PSEN1: variants seen among roughly 807,000 people sequenced by gnomAD.
PSEN1 encodes presenilin 1, also known as presenilin-1.
Under a neutral mutation model 53.5 loss-of-function variants are expected in PSEN1, and 15 were observed. The ratio of observed to expected loss-of-function variants is 0.28; its 90% CI spans 0.19 to 0.43. PSEN1 has a LOEUF of 0.43. Among genes scored for constraint, PSEN1 ranks in the 20% least tolerant of loss-of-function variants. PSEN1 has a pLI of 1.00. For missense variants in PSEN1, 387 were observed against 571.2 expected, an observed-to-expected ratio of 0.68 and a Z score of 3.29; for synonymous variants, 208 against 209.8, an observed-to-expected ratio of 0.99 and a Z score of 0.08.
At chr14:73,155,323 G>A (rs987974300) in intron 3 of PSEN1, among the ~76,000 whole-genome samples, 8 of 152,032 alleles carry the variant, frequency 5.3e-5, no homozygotes, top group African/African-American at 1.9e-4. Flanking sequence ...TTCTTTATCT[G>A]TTAAATGAAG....
In PSEN1 at chr14:73,219,604, C is replaced by T. The variant is rs571524399; in HGVS notation, c.*315C>T. On this transcript the variant is annotated 3_prime_UTR_variant, in exon 12 of 12. Coordinates refer to ENST00000324501, the MANE Select transcript of PSEN1 (RefSeq NM_000021.4). Reference sequence around the variant, plus strand: ...GCTGTGCCCCATCAGCAGCTTGACGCGTGGTCACAGGACGATTTCACTGAC... The same window carrying T: ...GCTGTGCCCCATCAGCAGCTTGACGTGTGGTCACAGGACGATTTCACTGAC... 2.6e-5 allele frequency: 10 copies of T among 386,376 alleles called. No individual in the cohort carries two copies. The highest frequency in any genetic ancestry group is 1.5e-4 in the Admixed American group (4 of 26,042). 23.9% of individuals were successfully genotyped at this position (386,376 alleles called of 1,614,324 possible). A position where few individuals can be genotyped will look rare whatever the true frequency, so the allele number is the denominator to read the frequency against.
intron 8 of PSEN1, among the ~76,000 whole-genome samples, chr14:73,201,157 C>T (rs879345947): frequency 1.1e-4 from 17 of 152,082 alleles, no homozygotes; most frequent in Admixed American, 2.6e-4. Context: ...GGGGCGATCT[C>T]GGCTCACTGC....
At chr14:73,205,684 A>T (rs1899427047) in intron 8 of PSEN1, among the ~76,000 whole-genome samples, 1 of 152,160 alleles carries the variant, frequency 6.6e-6, no homozygotes, top group Admixed American at 6.5e-5. Context: ...AGATGTTACC[A>T]AATTTCCCTC....
At chr14:73,217,767 C>A (rs1335862145) in intron 11 of PSEN1, among the ~76,000 whole-genome samples, 1 of 151,260 alleles carries the variant, frequency 6.6e-6, no homozygotes, top group East Asian at 1.9e-4. Flanking sequence ...AGTGCTACAG[C>A]ATGAACCCTG....
chr14:73,179,744 T>C (rs1219374339), intron 5 of PSEN1, among the ~76,000 whole-genome samples: 1 of 152,210 alleles, frequency 6.6e-6, no homozygotes. Context: ...ACTCATGTTG[T>C]AATGAGCACA....
intron 7 of PSEN1, among the ~76,000 whole-genome samples, chr14:73,194,790 G>A (rs1020716214): frequency 5.3e-5 from 8 of 150,776 alleles, no homozygotes; most frequent in Non-Finnish European, 1.2e-4. Context: ...GGATGATCTC[G>A]ATCTCCTGAC....
At chr14:73,144,806 T>G (rs1435992277) in intron 1 of PSEN1, among the ~76,000 whole-genome samples, 1 of 152,266 alleles carries the variant, frequency 6.6e-6, no homozygotes. Flanking sequence ...TGTGTAAGAT[T>G]ATACTAATCT....
chr14:73,201,266 T>G (rs1899176246), intron 8 of PSEN1, among the ~76,000 whole-genome samples: 1 of 152,056 alleles, frequency 6.6e-6, no homozygotes, highest in African/African-American at 2.4e-5. Flanking sequence ...TTTTGTATTT[T>G]TAGTAGCAAC....
intron 8 of PSEN1, among the ~76,000 whole-genome samples, chr14:73,205,893 A>G (rs1270666713): frequency 6.6e-6 from 1 of 152,142 alleles, no homozygotes; most frequent in Non-Finnish European, 1.5e-5. Flanking sequence ...TATTATGTTT[A>G]TTGCTTTTAA....
At chr14:73,172,236 T>C (rs867082231) in intron 4 of PSEN1, among the ~76,000 whole-genome samples, 1 of 152,204 alleles carries the variant, frequency 6.6e-6, no homozygotes, top group South Asian at 2.1e-4. Context: ...TCTACGACTC[T>C]CATGGGGTCC....
rs1464912978 is a variant in PSEN1, at chr14:73,220,084, C to A, written c.*795C>A. On this transcript the variant is annotated 3_prime_UTR_variant, in exon 12 of 12. Coordinates refer to ENST00000324501, the MANE Select transcript of PSEN1 (RefSeq NM_000021.4). The stretch of plus-strand genomic sequence containing the variant: ...ACAGTACAGCTATTTCTCATCAATT[C>A]TCTATCATGTTGAAGTCAAATTTGG... The A allele has an allele frequency of 6.6e-6, 1 of 152,208 alleles. No homozygotes were observed. The highest frequency in any genetic ancestry group is 1.5e-5 in the Non-Finnish European group (1 of 68,042). The allele number at this position is 152,208 out of a possible 1,614,324, so 9.4% of individuals were successfully genotyped here.
At chr14:73,186,784 A>G (rs1205394122) in intron 5 of PSEN1, 69 bp from the exon 6 acceptor site, 43 of 1,211,342 alleles carry the variant, frequency 3.5e-5, no homozygotes, top group Non-Finnish European at 4.8e-5. Context: ...CTCAAAAAAG[A>G]AAAAAAAAAT....
intron 5 of PSEN1, among the ~76,000 whole-genome samples, chr14:73,175,864 A>G (rs1372755536): frequency 6.6e-6 from 1 of 152,236 alleles, no homozygotes; most frequent in Non-Finnish European, 1.5e-5. Context: ...TTGGTATTCA[A>G]AATCTCGTTT....
chr14:73,173,243 C>G (rs1386017682), intron 4 of PSEN1, among the ~76,000 whole-genome samples: 1 of 152,120 alleles, frequency 6.6e-6, no homozygotes, highest in East Asian at 1.9e-4. Context: ...GGTTCTATAA[C>G]AAGTTCCTAA....
intron 3 of PSEN1, among the ~76,000 whole-genome samples, chr14:73,166,081 TA>T (rs994829025): frequency 2.5e-4 from 38 of 151,642 alleles, no homozygotes; most frequent in African/African-American, 8.9e-4. Context: ...AAAATAAAAA[TA>T]AAAGTAGTAT....
intron 3 of PSEN1, among the ~76,000 whole-genome samples, chr14:73,169,734 C>T (rs1312181979): frequency 6.6e-6 from 1 of 152,094 alleles, no homozygotes; most frequent in Admixed American, 6.6e-5. Flanking sequence ...CAGCCTCCAC[C>T]ACCCAGGTTC....
At chr14:73,182,276 T>C (rs1898240282) in intron 5 of PSEN1, among the ~76,000 whole-genome samples, 1 of 151,596 alleles carries the variant, frequency 6.6e-6, no homozygotes, top group Admixed American at 6.6e-5. Context: ...AGCCAGGAGT[T>C]CAAAACCAGC....
chr14:73,190,275 C>T (rs542352787), intron 6 of PSEN1, among the ~76,000 whole-genome samples: 17 of 152,004 alleles, frequency 1.1e-4, no homozygotes, highest in African/African-American at 3.6e-4. Flanking sequence ...ATCCTTTGAG[C>T]CCAGGGGTTC....
In PSEN1 at chr14:73,187,626, G is replaced by C. The variant is rs1243384350; in HGVS notation, c.548+706G>C. Among the ~76,000 whole-genome samples the C allele has an allele frequency of 2.0e-5, 3 of 152,122 alleles. No individual in the cohort carries two copies. In the South Asian group the frequency reaches 6.2e-4, roughly 32 times the overall value. On this transcript the variant is annotated intron_variant, in intron 6 of 11. Transcript: ENST00000324501. ...CCCCTAAAGAGAGAATATCTAAACAGAGTAAAGAAGAGGTACAGAAAGTTA... is the reference window on the plus strand; with the variant it reads ...CCCCTAAAGAGAGAATATCTAAACACAGTAAAGAAGAGGTACAGAAAGTTA...
Sources: gnomAD v4.1 joint callset for allele counts (sites outside exome capture counted in the v4.1 genomes callset) on GRCh38, gnomAD v4.1.1 for gene constraint, MANE v1.5 for transcripts, NCBI Gene and HGNC (gene_info 2026-07-23, HGNC 2026-07-21) for gene names.